Variants in TMEM108 observed in about 807,000 individuals in gnomAD.
TMEM108 encodes the protein transmembrane protein 108.
In TMEM108, 12 loss-of-function variants were observed where a neutral mutation model predicts 35.1. The observed-to-expected ratio is 0.34, with a 90% CI of 0.22 to 0.55. The LOEUF is 0.55. Among genes scored for constraint, TMEM108 ranks in the 20% least tolerant of loss-of-function variants. The pLI is 0.89. For missense variants in TMEM108, 680 were observed against 753.3 expected, an observed-to-expected ratio of 0.90 and a Z score of 1.14; for synonymous variants, 287 against 308.6, an observed-to-expected ratio of 0.93 and a Z score of 0.73.
chr3:133,162,428 A>G (rs1214201130), intron 2 of TMEM108, among the ~76,000 whole-genome samples: 2 of 152,220 alleles, frequency 1.3e-5, no homozygotes, highest in East Asian at 3.9e-4. Flanking sequence ...GCAGACCAAG[A>G]TGAAAAATGC....
intron 3 of TMEM108, among the ~76,000 whole-genome samples, chr3:133,366,297 A>G (rs1482051556): frequency 6.6e-6 from 1 of 152,220 alleles, no homozygotes; most frequent in African/African-American, 2.4e-5. Context: ...GGGGAATGAG[A>G]TAGTAGCAGC....
Position 133,068,114 on chromosome 3 carries a change from A to G in TMEM108, c.-47+22094A>G, listed in dbSNP as rs188270014. On this transcript the variant is annotated intron_variant, in intron 2 of 5. Coordinates refer to ENST00000321871, the MANE Select transcript of TMEM108 (RefSeq NM_023943.4). ...ATGTTATATAATATATTAATGTTAT[A>G]TAATATATTAATATGTTAATGTTAT... Among the ~76,000 whole-genome samples, 257 of 151,060 alleles carry G rather than the reference A, an allele frequency of 1.7e-3. 2 individuals carry two copies. The highest frequency in any genetic ancestry group is 6.1e-3 in the African/African-American group (252 of 41,358).
rs553535128 is a variant in TMEM108, at chr3:133,342,024, G to T, written c.41-37728G>T. 3.3e-5 allele frequency among the ~76,000 whole-genome samples: 5 copies of T among 151,636 alleles called. No homozygotes were observed. In the South Asian group the frequency reaches 6.2e-4, roughly 19 times the overall value. On this transcript the variant is annotated intron_variant, in intron 3 of 5. Coordinates refer to ENST00000321871, the MANE Select transcript of TMEM108 (RefSeq NM_023943.4). ...CAAGCACAGGCAACCAAAGCAAAAA[G>T]AACAAATGGGATCACTTCAAGTTAA...
At chr3:133,343,763 G>C (rs1258296356) in intron 3 of TMEM108, among the ~76,000 whole-genome samples, 1 of 151,812 alleles carries the variant, frequency 6.6e-6, no homozygotes, top group Non-Finnish European at 1.5e-5. Flanking sequence ...GTGGATATCT[G>C]ATGGTATGCA....
chr3:133,311,048 AC>A (rs1476446555), intron 3 of TMEM108, among the ~76,000 whole-genome samples: 1 of 151,942 alleles, frequency 6.6e-6, no homozygotes, highest in Non-Finnish European at 1.5e-5. Context: ...TTGAATATTG[AC>A]CCCCACTCTC....
intron 3 of TMEM108, among the ~76,000 whole-genome samples, chr3:133,289,257 A>G (rs1375571538): frequency 1.3e-5 from 2 of 152,180 alleles, no homozygotes; most frequent in African/African-American, 2.4e-5. Context: ...TAATAAAAAG[A>G]ATAACCAAAA....
intron 3 of TMEM108, among the ~76,000 whole-genome samples, chr3:133,367,300 A>G (rs2072528029): frequency 6.6e-6 from 1 of 152,242 alleles, no homozygotes; most frequent in Non-Finnish European, 1.5e-5. Flanking sequence ...TAGACACTCA[A>G]TAAATAGAAA....
At chr3:133,155,148 G>T (rs1944861586) in intron 2 of TMEM108, among the ~76,000 whole-genome samples, 1 of 152,078 alleles carries the variant, frequency 6.6e-6, no homozygotes, top group African/African-American at 2.4e-5. Flanking sequence ...TAAGGATAAT[G>T]GCCTCCAGTT....
intron 2 of TMEM108, among the ~76,000 whole-genome samples, chr3:133,224,657 T>C (rs1044964633): frequency 6.6e-6 from 1 of 152,166 alleles, no homozygotes; most frequent in Non-Finnish European, 1.5e-5. Context: ...ATGTAAGATG[T>C]GCTTTTTGCC....
At chr3:133,056,989 T>C (rs1301459091) in intron 2 of TMEM108, among the ~76,000 whole-genome samples, 1 of 152,220 alleles carries the variant, frequency 6.6e-6, no homozygotes, top group Admixed American at 6.5e-5. Flanking sequence ...AACATGACAT[T>C]AACAAGGTTG....
intron 3 of TMEM108, chr3:133,246,865 A>T (rs1946393726): frequency 6.6e-6 from 1 of 152,248 alleles, no homozygotes; most frequent in South Asian, 2.1e-4. Flanking sequence ...GCAACTCCAA[A>T]GGAAATTGTT....
At chr3:133,364,257 C>A (rs182912459) in intron 3 of TMEM108, among the ~76,000 whole-genome samples, 2 of 152,346 alleles carry the variant, frequency 1.3e-5, no homozygotes, top group Admixed American at 1.3e-4. Context: ...TCCTGCTCAA[C>A]TACAACTCCC....
intron 2 of TMEM108, chr3:133,125,122 T>A (rs1944399538): frequency 6.6e-6 from 1 of 152,166 alleles, no homozygotes; most frequent in East Asian, 1.9e-4. Flanking sequence ...ATAGGGCAAT[T>A]TAGTGGGAAG....
chr3:133,313,643 C>T (rs2071161946), intron 3 of TMEM108, among the ~76,000 whole-genome samples: 1 of 152,200 alleles, frequency 6.6e-6, no homozygotes. Flanking sequence ...TGCACCCTTT[C>T]TGGACACATG....
intron 3 of TMEM108, among the ~76,000 whole-genome samples, chr3:133,231,619 C>CT (rs1235130072): frequency 6.6e-6 from 1 of 151,920 alleles, no homozygotes; most frequent in Non-Finnish European, 1.5e-5. Flanking sequence ...CCACATTGTA[C>CT]TATCTGAGGA....
intron 3 of TMEM108, among the ~76,000 whole-genome samples, chr3:133,331,132 A>G (rs1421129231): frequency 2.0e-5 from 3 of 152,172 alleles, no homozygotes; most frequent in Non-Finnish European, 4.4e-5. Context: ...AAGTAAAAAG[A>G]AGCAGTTGTA....
chr3:133,351,312 C>G (rs1195448752), intron 3 of TMEM108, among the ~76,000 whole-genome samples: 1 of 152,102 alleles, frequency 6.6e-6, no homozygotes, highest in Non-Finnish European at 1.5e-5. Flanking sequence ...CCCTTACGGC[C>G]CTGCTTACTT....
chr3:133,264,443 A>G (rs531680376), intron 3 of TMEM108, among the ~76,000 whole-genome samples: 1 of 152,346 alleles, frequency 6.6e-6, no homozygotes, highest in South Asian at 2.1e-4. Flanking sequence ...GTCTGTGGTT[A>G]GAAGTTTATT....
intron 3 of TMEM108, among the ~76,000 whole-genome samples, chr3:133,229,937 T>G (rs956501711): frequency 2.6e-5 from 4 of 152,342 alleles, no homozygotes; most frequent in African/African-American, 9.6e-5. Context: ...CTCATGTGTT[T>G]TGGGTATAGT....
Sources: gnomAD v4.1 joint callset for allele counts (sites outside exome capture counted in the v4.1 genomes callset) on GRCh38, gnomAD v4.1.1 for gene constraint, MANE v1.5 for transcripts, NCBI Gene and HGNC (gene_info 2026-07-23, HGNC 2026-07-21) for gene names.